The following GUCA1C variants were observed in gnomAD, a reference collection of about 807,000 sequenced individuals.
The protein encoded by GUCA1C is guanylyl cyclase-activating protein 3.
In GUCA1C, 15 loss-of-function variants were observed where a neutral mutation model predicts 16.2. The observed-to-expected ratio is 0.93, with a 90% CI of 0.62 to 1.43. The LOEUF is 1.43. Among genes scored for constraint, GUCA1C ranks in the 40% most tolerant of loss-of-function variants. The probability of loss-of-function intolerance (pLI) is 0.00; values close to 1 mark genes in which losing one functional copy is unlikely to be tolerated. For missense variants in GUCA1C, 275 were observed against 244.8 expected, an observed-to-expected ratio of 1.12 and a Z score of -0.82; for synonymous variants, 78 against 85.4, an observed-to-expected ratio of 0.91 and a Z score of 0.48.
chr3:108,912,405 G>A (rs1299268278), intron 3 of GUCA1C, among the ~76,000 whole-genome samples: 1 of 151,742 alleles, frequency 6.6e-6, no homozygotes, highest in Non-Finnish European at 1.5e-5. Context: ...TGTCTTCTCT[G>A]TTTTCATTTT....
At chr3:108,953,030 A>G (rs1372560272) in intron 1 of GUCA1C, among the ~76,000 whole-genome samples, 2 of 152,168 alleles carry the variant, frequency 1.3e-5, no homozygotes, top group African/African-American at 2.4e-5. Flanking sequence ...TTAAGCTTCC[A>G]TTTTTCCCAA....
At chr3:108,914,069 T>C (rs1946483853) in intron 3 of GUCA1C, among the ~76,000 whole-genome samples, 1 of 151,962 alleles carries the variant, frequency 6.6e-6, no homozygotes, top group Admixed American at 6.6e-5. Context: ...CCATTTTAAA[T>C]AATAATAATA....
intron 3 of GUCA1C, among the ~76,000 whole-genome samples, chr3:108,912,103 C>CAATAACAATAATAATAATAATAAT (rs1553732656): frequency 8.0e-6 from 1 of 125,700 alleles, no homozygotes; most frequent in Non-Finnish European, 1.8e-5. Context: ...GACTCCGTCT[C>CAATAACAATAATAATAATAATAAT]AATAATAATA....
At chr3:108,939,575 C>G (rs1946764548) in intron 1 of GUCA1C, among the ~76,000 whole-genome samples, 1 of 151,626 alleles carries the variant, frequency 6.6e-6, no homozygotes, top group Non-Finnish European at 1.5e-5. Flanking sequence ...GATCCACCAG[C>G]CTCAGCCTCC....
At chr3:108,908,455 C>G (rs1946414063) in intron 3 of GUCA1C, among the ~76,000 whole-genome samples, 7 of 151,756 alleles carry the variant, frequency 4.6e-5, no homozygotes, top group Admixed American at 4.6e-4. Context: ...GGTAATGCCC[C>G]AGATGAAATA....
chr3:108,950,047 C>T (rs1260784267), intron 1 of GUCA1C, among the ~76,000 whole-genome samples: 2 of 152,190 alleles, frequency 1.3e-5, no homozygotes, highest in Admixed American at 6.5e-5. Context: ...ACTCCTCTTC[C>T]CCATCACCCC....
intron 3 of GUCA1C, among the ~76,000 whole-genome samples, chr3:108,909,821 A>G (rs1946430348): frequency 6.6e-6 from 1 of 152,152 alleles, no homozygotes; most frequent in Non-Finnish European, 1.5e-5. Flanking sequence ...ATAAAAAAAA[A>G]TCTCTGTTCC....
At chr3:108,908,237 G>A in intron 3 of GUCA1C, 28 bp from the exon 4 acceptor site, 2 of 1,495,630 alleles carry the variant, frequency 1.3e-6, no homozygotes, top group East Asian at 2.3e-5. Context: ...GTTAATAAGA[G>A]GCTTTGTCTA....
chr3:108,927,482 G>C (rs527422499), intron 1 of GUCA1C, among the ~76,000 whole-genome samples: 2 of 119,372 alleles, frequency 1.7e-5, no homozygotes, highest in Admixed American at 1.8e-4. Flanking sequence ...CAAAAGCCTT[G>C]TCTTTGAGCT....
At chr3:108,938,059 TAA>T (rs113160708) in intron 1 of GUCA1C, among the ~76,000 whole-genome samples, 1 of 141,816 alleles carries the variant, frequency 7.1e-6, no homozygotes, top group Admixed American at 7.0e-5. Flanking sequence ...AGACTCTGTC[TAA>T]AAAAAAAAAC....
intron 1 of GUCA1C, among the ~76,000 whole-genome samples, chr3:108,931,760 A>C (rs910215608): frequency 1.3e-5 from 2 of 152,112 alleles, no homozygotes; most frequent in Non-Finnish European, 2.9e-5. Context: ...TTATCACTGC[A>C]AAGGTGAGGA....
At chr3:108,954,108 T>C (rs971865861), upstream of GUCA1C, among the ~76,000 whole-genome samples, 1 of 152,204 alleles carries the variant, frequency 6.6e-6, no homozygotes, top group Non-Finnish European at 1.5e-5. Context: ...GTGGGTCTAA[T>C]GGCAGGAACT....
chr3:108,915,084 G>A (rs1208591269), intron 3 of GUCA1C, among the ~76,000 whole-genome samples: 2 of 152,148 alleles, frequency 1.3e-5, no homozygotes, highest in Non-Finnish European at 2.9e-5. Context: ...CCAGTCGTTT[G>A]GCTTTTTTGC....
intron 1 of GUCA1C, among the ~76,000 whole-genome samples, chr3:108,949,070 A>T (rs1476865002): frequency 6.6e-6 from 1 of 151,544 alleles, no homozygotes; most frequent in African/African-American, 2.4e-5. Flanking sequence ...CCGGTCTCGA[A>T]CTCCTGACCT....
chr3:108,939,113 T>C (rs1946758663), intron 1 of GUCA1C, among the ~76,000 whole-genome samples: 1 of 152,112 alleles, frequency 6.6e-6, no homozygotes, highest in South Asian at 2.1e-4. Context: ...AGCATCTGTC[T>C]TCCTAAACTG....
intron 3 of GUCA1C, 124 bp from the exon 4 acceptor site, chr3:108,908,333 A>G (rs1946412314): frequency 4.8e-6 from 2 of 420,296 alleles, no homozygotes; most frequent in Non-Finnish European, 4.0e-6. Flanking sequence ...AGACTCTAAG[A>G]TCTTTGAAGA....
intron 1 of GUCA1C, among the ~76,000 whole-genome samples, chr3:108,925,433 G>T (rs935947287): frequency 1.3e-5 from 2 of 152,156 alleles, no homozygotes; most frequent in African/African-American, 4.8e-5. Flanking sequence ...GCATGGTTTT[G>T]AGGGTTCCTT....
At chr3:108,916,334 C>T (rs1007326937) in intron 2 of GUCA1C, 120 bp from the exon 3 acceptor site, 12 of 810,042 alleles carry the variant, frequency 1.5e-5, no homozygotes, top group Middle Eastern at 4.7e-4. Flanking sequence ...CCAACCTGTA[C>T]CAGTTGTTAA....
At chr3:108,935,014 C>T (rs1022985386) in intron 1 of GUCA1C, among the ~76,000 whole-genome samples, 21 of 151,700 alleles carry the variant, frequency 1.4e-4, no homozygotes, top group African/African-American at 4.8e-4. Flanking sequence ...GGGGTTTCAC[C>T]GTGTTAGCCA....
Sources: gnomAD v4.1 joint callset for allele counts (sites outside exome capture counted in the v4.1 genomes callset) on GRCh38, gnomAD v4.1.1 for gene constraint, MANE v1.5 for transcripts, NCBI Gene and HGNC (gene_info 2026-07-23, HGNC 2026-07-21) for gene names.